Variants in CUX1 observed in about 807,000 individuals in gnomAD.
CUX1 encodes the protein cut like homeobox 1, also known as protein CASP.
In CUX1, 31 loss-of-function variants were observed where a neutral mutation model predicts 158.8. The observed-to-expected ratio is 0.20, with a 90% CI of 0.15 to 0.26. CUX1 has a LOEUF of 0.26. Ranked by LOEUF, CUX1 falls within the 10% of genes least tolerant of loss-of-function variation. The probability of loss-of-function intolerance (pLI) is 1.00; values close to 1 mark genes in which losing one functional copy is unlikely to be tolerated. For synonymous variants in CUX1, 879 were observed against 862.1 expected, an observed-to-expected ratio of 1.02 and a Z score of -0.34; for missense variants, 1,589 against 2,014.6, an observed-to-expected ratio of 0.79 and a Z score of 4.04.
At chr7:102,221,393 A>C (rs960591978) in intron 20 of CUX1, among the ~76,000 whole-genome samples, 5 of 152,150 alleles carry the variant, frequency 3.3e-5, no homozygotes, top group African/African-American at 9.6e-5. Context: ...CACAGTGGGG[A>C]GATAATAAGA....
Position 102,251,926 on chromosome 7 carries a change from C to T in CUX1, c.*2884C>T. The T allele has an allele frequency of 2.0e-6, 2 of 985,350 alleles. No homozygotes were observed. The highest frequency in any genetic ancestry group is 2.4e-6 in the Non-Finnish European group (2 of 829,908). 61.0% of individuals were successfully genotyped at this position (985,350 alleles called of 1,614,324 possible). ...GGCCAAACAGTAACAGTCTAAAATG[C>T]AGTCATTTTGACCCTCCCAAGCAAT... On this transcript the variant is annotated 3_prime_UTR_variant, in exon 24 of 24. Coordinates refer to ENST00000292535, the MANE Select transcript of CUX1 (RefSeq NM_181552.4).
intron 3 of CUX1, among the ~76,000 whole-genome samples, chr7:102,043,530 C>G (rs919627280): frequency 6.6e-6 from 1 of 152,000 alleles, no homozygotes; most frequent in African/African-American, 2.4e-5. Context: ...TGAGTATGTG[C>G]AGATTTTGGT....
chr7:101,827,401 G>A (rs1027231885), intron 1 of CUX1, among the ~76,000 whole-genome samples: 6 of 152,106 alleles, frequency 3.9e-5, no homozygotes, highest in African/African-American at 1.2e-4. Flanking sequence ...GACATCCGGG[G>A]CTCAAGCAGT....
chr7:102,250,700 G>T lies in CUX1; in HGVS notation c.*1658G>T. ...TATGCACAGTTTTAGGGCAGTCTAA[G>T]TACAAACTGAAAGTCTAACTTGTCT... On this transcript the variant is annotated 3_prime_UTR_variant, in exon 24 of 24. Coordinates refer to ENST00000292535, the MANE Select transcript of CUX1 (RefSeq NM_181552.4). 1 of 985,368 alleles carries T rather than the reference G, an allele frequency of 1.0e-6. No individual in the cohort carries two copies. The allele number at this position is 985,368 out of a possible 1,614,324, so 61.0% of individuals were successfully genotyped here.
intron 1 of CUX1, among the ~76,000 whole-genome samples, chr7:101,831,193 G>C (rs1042377183): frequency 3.3e-5 from 5 of 152,122 alleles, no homozygotes. Context: ...TTAGGCTGTT[G>C]TTGAGCATTT....
chr7:102,169,684 G>A (rs1246576532), intron 9 of CUX1, among the ~76,000 whole-genome samples: 1 of 152,184 alleles, frequency 6.6e-6, no homozygotes, highest in Non-Finnish European at 1.5e-5. Context: ...TCGGGTGGTG[G>A]GCACTGGGGT....
chr7:101,828,128 A>G (rs1200031181), intron 1 of CUX1, among the ~76,000 whole-genome samples: 2 of 151,982 alleles, frequency 1.3e-5, no homozygotes, highest in East Asian at 3.9e-4. Context: ...GGCACCCACT[A>G]CTACACCCAG....
intron 9 of CUX1, among the ~76,000 whole-genome samples, chr7:102,162,972 C>T (rs1260369789): frequency 1.3e-5 from 2 of 152,072 alleles, no homozygotes; most frequent in Non-Finnish European, 2.9e-5. Context: ...CAGAGTGGAC[C>T]GAAGGAGGGA....
chr7:102,034,733 CAGAG>C (rs1482759305), intron 3 of CUX1, among the ~76,000 whole-genome samples: 2 of 126,638 alleles, frequency 1.6e-5, no homozygotes, highest in East Asian at 2.3e-4. Flanking sequence ...AGCCTGGTGA[CAGAG>C]AGAGACTCCG....
chr7:102,096,672 C>T (rs1554484273), intron 4 of CUX1, among the ~76,000 whole-genome samples: 1 of 152,140 alleles, frequency 6.6e-6, no homozygotes, highest in Non-Finnish European at 1.5e-5. Flanking sequence ...TGCCACTGCA[C>T]TCCAGCCTGG....
In CUX1 at chr7:102,158,757, T is replaced by G. The variant is rs117989280; in HGVS notation, c.723+149T>G. The stretch of plus-strand genomic sequence containing the variant: ...AACGTCGATGCTCCTTCTGTTGTCA[T>G]GAGAAGTAGGAAAAGACATAAAAAG... On this transcript the variant is annotated intron_variant, in intron 9 of 23. Coordinates refer to ENST00000292535, the MANE Select transcript of CUX1 (RefSeq NM_181552.4). The G allele has an allele frequency of 5.3e-3, 3,811 of 719,878 alleles. 28 individuals carry two copies. Among genetic ancestry groups the G allele is most frequent in the Non-Finnish European group, 7.2e-3 (3,074 of 425,124 alleles). 44.6% of individuals were successfully genotyped at this position (719,878 alleles called of 1,614,324 possible). A position where few individuals can be genotyped will look rare whatever the true frequency, so the allele number is the denominator to read the frequency against.
Position 102,201,595 on chromosome 7 carries a change from G to T in CUX1, c.2298G>T (p.Lys766Asn). Residue 766 changes from lysine to asparagine, a missense_variant, in exon 18 of 24, where the codon AAG (lysine) becomes AAT (asparagine). By Grantham distance (94) the Lys-to-Asn change is moderately conservative. Coordinates refer to ENST00000292535, the MANE Select transcript of CUX1 (RefSeq NM_181552.4). This position sits in a 1 kb window ranked among gnomAD's most constrained non-coding sequence, Gnocchi z 5.0. ...SYPPLAISLKKPSAAPEAGAS... is the reference protein window; with the variant it reads ...SYPPLAISLKNPSAAPEAGAS... ...CACCTCTCGCCATCTCCCTGAAGAA[G>T]CCCTCCGCAGCTCCTGAGGCCGGTG... The T allele has an allele frequency of 6.2e-7, 1 of 1,614,066 alleles. No homozygotes were observed. Among genetic ancestry groups the T allele is most frequent in the Non-Finnish European group, 8.5e-7 (1 of 1,180,016 alleles).
chr7:102,115,147 A>G (rs1219941517), intron 7 of CUX1, 60 bp from the exon 8 acceptor site: 34 of 1,393,398 alleles, frequency 2.4e-5, no homozygotes, highest in Non-Finnish European at 2.7e-5. Flanking sequence ...GGAATAGATT[A>G]CCTGTGTATG....
At chr7:102,030,326 T>C (rs1050525321) in intron 3 of CUX1, among the ~76,000 whole-genome samples, 2 of 152,106 alleles carry the variant, frequency 1.3e-5, no homozygotes, top group African/African-American at 4.8e-5. Context: ...TATATGCTCT[T>C]TACCCAGATC....
intron 2 of CUX1, among the ~76,000 whole-genome samples, chr7:101,964,435 T>C (rs1017245230): frequency 1.3e-5 from 2 of 152,220 alleles, no homozygotes; most frequent in African/African-American, 4.8e-5. Flanking sequence ...GCTATCATTA[T>C]TGCTGTCCTT....
chr7:101,929,797 A>G (rs941518769), intron 2 of CUX1, among the ~76,000 whole-genome samples: 1 of 152,144 alleles, frequency 6.6e-6, no homozygotes, highest in Admixed American at 6.6e-5. Context: ...GAATGAGGCC[A>G]TATAATCCCC....
intron 2 of CUX1, among the ~76,000 whole-genome samples, chr7:101,971,107 G>A (rs1023778886): frequency 1.3e-5 from 2 of 152,226 alleles, no homozygotes; most frequent in African/African-American, 4.8e-5. Flanking sequence ...TCCATCTGGG[G>A]AGACTGAGGC....
At chr7:102,264,694 C>T (rs1790672173) in intron 14 of CUX1, 1 of 152,374 alleles carries the variant, frequency 6.6e-6, no homozygotes. Context: ...CAGGAGGCCA[C>T]AACTGGGGCT....
intron 10 of CUX1, among the ~76,000 whole-genome samples, chr7:102,172,339 C>G (rs146281801): frequency 3.9e-5 from 6 of 152,148 alleles, no homozygotes; most frequent in African/African-American, 1.4e-4. Flanking sequence ...TTATCCACCT[C>G]CCAAAGTGCT....
Sources: gnomAD v4.1 joint callset for allele counts (sites outside exome capture counted in the v4.1 genomes callset) on GRCh38, gnomAD v4.1.1 for gene constraint, Gnocchi (gnomAD v3.1) non-coding constraint, MANE v1.5 for transcripts, NCBI Gene and HGNC (gene_info 2026-07-23, HGNC 2026-07-21) for gene names.